Variants in SYT4 observed in about 807,000 individuals in gnomAD.
SYT4 encodes synaptotagmin-4.
SYT4 carries 7 observed loss-of-function variants against 32.9 expected under a neutral mutation model. That is an observed-to-expected ratio of 0.21 (90% confidence interval 0.12 to 0.40). The LOEUF (loss-of-function observed/expected upper bound fraction) is 0.40. Ranked by LOEUF, SYT4 falls within the 10% of genes least tolerant of loss-of-function variation. The probability of loss-of-function intolerance (pLI) is 1.00; values close to 1 mark genes in which losing one functional copy is unlikely to be tolerated. For missense variants in SYT4, 480 were observed against 488.0 expected (o/e 0.98, Z 0.16); for synonymous variants, 205 against 186.2 (o/e 1.10, Z -0.82).
chr18:43,273,777 C>G lies in SYT4; in HGVS notation c.652G>C (p.Ala218Pro), dbSNP rs141366384. The change falls in exon 2 of 4, where the codon GCT (alanine) becomes CCT (proline). Residue 218 changes from alanine (A) to proline (P), a missense_variant. Transcript: ENST00000255224. ...TRVLRKTLDP[A>P]FDETFTFYGI... ...TAGAATGTAAAGGTCTCATCAAAAG[C>G]TGGATCCAAGGTTTTTCTCAGCACT... is the stretch of plus-strand genomic sequence containing the variant. The G allele has an allele frequency of 1.9e-4, 309 of 1,613,890 alleles. No homozygotes were observed. Among genetic ancestry groups the G allele is most frequent in the Admixed American group, 2.7e-4 (16 of 59,998 alleles).
intron 3 of SYT4, among the ~76,000 whole-genome samples, chr18:43,270,943 C>A (rs1036356445): frequency 2.6e-5 from 4 of 151,496 alleles, no homozygotes; most frequent in Non-Finnish European, 4.4e-5. Flanking sequence ...TTCTATGGAC[C>A]CATTCTGATT....
In SYT4 at chr18:43,270,053, T is replaced by A; in HGVS notation, c.*288A>T. The A allele has an allele frequency of 2.8e-6, 1 of 356,954 alleles. No homozygotes were observed. Among genetic ancestry groups the A allele is most frequent in the Non-Finnish European group, 5.1e-6 (1 of 196,844 alleles). 22.1% of individuals were successfully genotyped at this position (356,954 alleles called of 1,614,324 possible). A position where few individuals can be genotyped will look rare whatever the true frequency, so the allele number is the denominator to read the frequency against. On this transcript the variant is annotated 3_prime_UTR_variant, in exon 4 of 4. Transcript: ENST00000255224. ...TTGTCACATTTATAATTTGGGATTC[T>A]GGCACAGTATTCATAAAATGTCTGA... is the stretch of plus-strand genomic sequence containing the variant.
chr18:43,274,373 C>T lies in SYT4; in HGVS notation c.56G>A (p.Gly19Glu), dbSNP rs768611116. ...EEFDEIPTVV[G>E]IFSAFGLVFT... ...GACCAGGCCAAATGCACTGAAGATC[C>T]CCACCACTGTGGGGATTTCATCTGA... Residue 19 changes from glycine (G) to glutamate (E), a missense_variant, in exon 2 of 4, where the codon GGG becomes GAG. Transcript: ENST00000255224. 1.2e-6 allele frequency: 2 copies of T among 1,601,004 alleles called. No individual in the cohort carries two copies. Among genetic ancestry groups the T allele is most frequent in the South Asian group, 2.2e-5 (2 of 89,032 alleles).
At position 43,274,116 on chromosome 18, in the gene SYT4, A is replaced by G; in HGVS notation, c.313T>C (p.Phe105Leu). The G allele has an allele frequency of 1.2e-6, 2 of 1,614,046 alleles. No homozygotes were observed. The highest frequency in any genetic ancestry group is 1.3e-5 in the African/African-American group (1 of 75,032). Residue 105 changes from phenylalanine (F) to leucine (L), a missense_variant, in exon 2 of 4, where the codon TTT becomes CTT. Transcript: ENST00000255224. ...CCAGGTTTGAGGTTGGTTTTGGGAA[A>G]ATTGCCATTGAGATCTCTCTTTTCA... ...DLEKRDLNGN[F>L]PKTNLKPGSP...
Position 43,273,793 on chromosome 18 carries a change from T to C in SYT4, c.636A>G (p.Arg212=), listed in dbSNP as rs1908703557. 1.2e-6 allele frequency: 2 copies of C among 1,613,940 alleles called. No individual in the cohort carries two copies. The highest frequency in any genetic ancestry group is 1.3e-5 in the African/African-American group (1 of 74,930). ...CATCAAAAGCTGGATCCAAGGTTTT[T>C]CTCAGCACTCTAGTTTTCACTTTAT... is the stretch of plus-strand genomic sequence containing the variant. ...KKHKVKTRVL[R]KTLDPAFDET... The change falls in exon 2 of 4, where the codon AGA becomes AGG. Residue 212 remains arginine (R), a synonymous_variant. Transcript: ENST00000255224.
At chr18:43,273,105 C>T (rs764173524) in intron 2 of SYT4, among the ~76,000 whole-genome samples, 79 of 152,156 alleles carry the variant, frequency 5.2e-4, no homozygotes, top group Non-Finnish European at 7.9e-4. Flanking sequence ...TTGAAAATGA[C>T]GTGATGCCTC....
chr18:43,271,919 T>C (rs1908643047), intron 2 of SYT4, 87 bp from the exon 3 acceptor site: 1 of 1,342,542 alleles, frequency 7.4e-7, no homozygotes, highest in African/African-American at 1.5e-5. Flanking sequence ...AACATCGTCA[T>C]TTAAATATAA....
rs1217434631 is a variant in SYT4, at chr18:43,270,384, G to C, written c.1235C>G (p.Pro412Arg). The C allele has an allele frequency of 6.2e-7, 1 of 1,613,996 alleles. No individual in the cohort carries two copies. ...GTGCCACTTGGCAATTTGTCTCCTG[G>C]GGTAGTCACAGATCTCTTTCCAGTG... ...GEHWKEICDYPRRQIAKWHVL... is the reference protein window; with the variant it reads ...GEHWKEICDYRRRQIAKWHVL... Residue 412 changes from proline (P) to arginine (R), a missense_variant, in exon 4 of 4, where the codon CCC (proline) becomes CGC (arginine). Transcript: ENST00000255224.
At chr18:43,275,085 A>G (rs1908752575) in intron 1 of SYT4, among the ~76,000 whole-genome samples, 1 of 152,186 alleles carries the variant, frequency 6.6e-6, no homozygotes, top group Non-Finnish European at 1.5e-5. Context: ...ACTGAATTAT[A>G]CAAAGTATAA....
intron 1 of SYT4, among the ~76,000 whole-genome samples, chr18:43,275,294 C>A (rs1257764842): frequency 6.6e-6 from 1 of 152,076 alleles, no homozygotes; most frequent in African/African-American, 2.4e-5. Context: ...AAATTACTGA[C>A]ATTAGGTAAT....
At position 43,274,338 on chromosome 18, in the gene SYT4, A is replaced by G; in HGVS notation, c.91T>C (p.Ser31Pro). ...TGACAGCAGATCCATGCAAAGAGAG[A>G]GACTGTGAAGACCAGGCCAAATGCA... is the stretch of plus-strand genomic sequence containing the variant. ...FSAFGLVFTVSLFAWICCQRK... is the reference protein window; with the variant it reads ...FSAFGLVFTVPLFAWICCQRK... The change falls in exon 2 of 4, where the codon TCT (serine) becomes CCT (proline). Residue 31 changes from serine (S) to proline (P), a missense_variant. Transcript: ENST00000255224. The G allele has an allele frequency of 6.2e-7, 1 of 1,612,494 alleles. No individual in the cohort carries two copies. Among genetic ancestry groups the G allele is most frequent in the South Asian group, 1.1e-5 (1 of 90,920 alleles).
Position 43,273,611 on chromosome 18 carries a change from A to C in SYT4, c.818T>G (p.Met273Arg), listed in dbSNP as rs761099730. Residue 273 changes from methionine to arginine, a missense_variant, in exon 2 of 4, where the codon ATG becomes AGG. Coordinates refer to ENST00000255224, the MANE Select transcript of SYT4 (RefSeq NM_020783.4). Reference sequence around the variant, plus strand: ...ATTTCTCTTGATGATCTCTCTATTCATTAACATTTTTCCTTCAGATAATTC... The same window carrying C: ...ATTTCTCTTGATGATCTCTCTATTCCTTAACATTTTTCCTTCAGATAATTC... ...GIELSEGKML[M>R]NREIIKRNVR... 1 of 1,612,796 alleles carries C rather than the reference A, an allele frequency of 6.2e-7. No homozygotes were observed. The highest frequency in any genetic ancestry group is 1.7e-5 in the Admixed American group (1 of 59,882).
At position 43,271,702 on chromosome 18, in the gene SYT4, G is replaced by A. The variant is rs775506248; in HGVS notation, c.970+10C>T. 1 of 1,612,084 alleles carries A rather than the reference G, an allele frequency of 6.2e-7. No individual in the cohort carries two copies. The highest frequency in any genetic ancestry group is 1.1e-5 in the South Asian group (1 of 90,994). ...TACAGTGAATCTGAATATTTCAGAAGCATTCTTACCTGAAAGTCCGGACAC... is the reference window on the plus strand; with the variant it reads ...TACAGTGAATCTGAATATTTCAGAAACATTCTTACCTGAAAGTCCGGACAC... On this transcript the variant is annotated intron_variant, in intron 3 of 3. Transcript: ENST00000255224.
intron 3 of SYT4, 30 bp downstream of exon 3, chr18:43,271,682 T>G (rs1317147638): frequency 7.5e-6 from 12 of 1,610,500 alleles, no homozygotes; most frequent in Non-Finnish European, 8.5e-6. Flanking sequence ...AATCATACAG[T>G]GAATCTGAAT....
rs150432952 is a variant in SYT4 at position 43,273,838 on chromosome 18, C to A, written c.591G>T (p.Thr197=). 4 of 1,613,978 alleles carry A rather than the reference C, an allele frequency of 2.5e-6. No individual in the cohort carries two copies. The highest frequency in any genetic ancestry group is 2.2e-5 in the South Asian group (2 of 91,084). Residue 197 remains threonine, a synonymous_variant, in exon 2 of 4, where the codon ACG becomes ACT. Transcript: ENST00000255224. ...SMTSDPYIKM[T]ILPEKKHKVK... ...CTTTATGCTTCTTCTCTGGGAGGATCGTCATTTTGATATATGGGTCAGAGG... is the reference window on the plus strand; with the variant it reads ...CTTTATGCTTCTTCTCTGGGAGGATAGTCATTTTGATATATGGGTCAGAGG...
In SYT4 at chr18:43,273,562, G is replaced by T; in HGVS notation, c.849+18C>A. On this transcript the variant is annotated intron_variant, in intron 2 of 3. Transcript: ENST00000255224. ...AAAAGATTGTTTATAAATACTTTAA[G>T]CACTGAAAATAAATTACCCTAACAT... is the stretch of plus-strand genomic sequence containing the variant. The T allele has an allele frequency of 6.5e-7, 1 of 1,536,884 alleles. No individual in the cohort carries two copies. Among genetic ancestry groups the T allele is most frequent in the Non-Finnish European group, 8.8e-7 (1 of 1,131,658 alleles).
Position 43,268,182 on chromosome 18 carries a change from T to C in SYT4, c.*2159A>G, listed in dbSNP as rs1330847904. On this transcript the variant is annotated 3_prime_UTR_variant, in exon 4 of 4. Transcript: ENST00000255224. ...CAAGATATTCACATTGATATTGTAATACATTCTAAAACAGTACATTTTCAG... is the reference window on the plus strand; with the variant it reads ...CAAGATATTCACATTGATATTGTAACACATTCTAAAACAGTACATTTTCAG... 1 of 152,640 alleles carries C rather than the reference T, an allele frequency of 6.6e-6. No individual in the cohort carries two copies. The highest frequency in any genetic ancestry group is 6.5e-5 in the Admixed American group (1 of 15,274). 9.5% of individuals were successfully genotyped at this position (152,640 alleles called of 1,614,324 possible).
At chr18:43,275,922 A>G (rs1908778435) in intron 1 of SYT4, among the ~76,000 whole-genome samples, 1 of 152,174 alleles carries the variant, frequency 6.6e-6, no homozygotes, top group South Asian at 2.1e-4. Context: ...TTCCTGGACC[A>G]TAATAACCCA....
chr18:43,270,751 G>A (rs1306284902), intron 3 of SYT4, 103 bp from the exon 4 acceptor site: 2 of 1,245,938 alleles, frequency 1.6e-6, no homozygotes, highest in East Asian at 2.4e-5. Context: ...ATGACATGTG[G>A]TTACCAGGAA....
Sources: allele counts gnomAD v4.1 joint callset (sites outside exome capture counted in the v4.1 genomes callset), GRCh38; gene constraint gnomAD v4.1.1; transcripts MANE v1.5; gene names NCBI Gene and HGNC (gene_info 2026-07-23, HGNC 2026-07-21).